Variants in SLC9A9 observed in about 807,000 individuals in gnomAD.
SLC9A9 encodes solute carrier family 9 member A9, also known as sodium/hydrogen exchanger 9.
In SLC9A9, 62 loss-of-function variants were observed where a neutral mutation model predicts 77.8. The observed-to-expected ratio is 0.80, with a 90% CI of 0.65 to 0.98. The LOEUF (loss-of-function observed/expected upper bound fraction) is 0.98, where lower values mean the gene tolerates loss of function less well. Among genes scored for constraint, SLC9A9 ranks in the 50% least tolerant of loss-of-function variants. The probability of loss-of-function intolerance (pLI) is 0.00; values close to 1 mark genes in which losing one functional copy is unlikely to be tolerated. For synonymous variants in SLC9A9, 320 were observed against 283.5 expected (o/e 1.13, Z -1.29); for missense variants, 775 against 774.9 (o/e 1.00, Z 0.00).
At chr3:143,518,714 T>C (rs2036245103) in intron 9 of SLC9A9, among the ~76,000 whole-genome samples, 1 of 152,256 alleles carries the variant, frequency 6.6e-6, no homozygotes, top group African/African-American at 2.4e-5. Flanking sequence ...GCTATAGTTA[T>C]GATTAACTCA....
intron 6 of SLC9A9, among the ~76,000 whole-genome samples, chr3:143,642,272 T>C (rs2038637709): frequency 6.6e-6 from 1 of 152,230 alleles, no homozygotes; most frequent in African/African-American, 2.4e-5. Context: ...GTAATCCTTA[T>C]TGGAAATAAA....
chr3:143,610,981 G>GA lies in SLC9A9; in HGVS notation c.756-32259dup, dbSNP rs199619731. Among the ~76,000 whole-genome samples the GA allele has an allele frequency of 3.9e-3, 577 of 149,650 alleles. 1 individual carries two copies. The highest frequency in any genetic ancestry group is 0.013 in the African/African-American group (541 of 40,846). ...GAGGAAAAACAGAATCAAAAGGACCGAAAAAAAAATTGCAGAAAGCAAACA... is the reference window on the plus strand; with the variant it reads ...GAGGAAAAACAGAATCAAAAGGACCGAAAAAAAAAATTGCAGAAAGCAAACA... On this transcript the variant is annotated intron_variant, in intron 6 of 15. Coordinates refer to ENST00000316549, the MANE Select transcript of SLC9A9 (RefSeq NM_173653.4).
At chr3:143,662,333 C>T (rs530654877) in intron 5 of SLC9A9, among the ~76,000 whole-genome samples, 2 of 152,302 alleles carry the variant, frequency 1.3e-5, no homozygotes, top group Non-Finnish European at 2.9e-5. Context: ...ATTTTGAGAT[C>T]GTTTCAAGAT....
intron 6 of SLC9A9, among the ~76,000 whole-genome samples, chr3:143,592,035 A>G (rs2037652907): frequency 6.6e-6 from 1 of 152,214 alleles, no homozygotes; most frequent in African/African-American, 2.4e-5. Context: ...ATTTTCTGGA[A>G]GAAGATTCCT....
rs879905012 is a variant in SLC9A9 at position 143,423,234 on chromosome 3, TACACACGCGCGTGTAC to T, written c.1470-41136_1470-41121del. On this transcript the variant is annotated intron_variant, in intron 12 of 15. Transcript: ENST00000316549. Reference sequence around the variant, plus strand: ...ACACACGTACACACACACACACGTGTACACACGCGCGTGTACACACACACACACACACACACACACA... The same window carrying T: ...ACACACGTACACACACACACACGTGTACACACACACACACACACACACACA... Among the ~76,000 whole-genome samples the T allele has an allele frequency of 5.5e-4, 74 of 134,744 alleles. 1 individual carries two copies. The East Asian group carries it at 0.013, about 24-fold the overall frequency. The allele number at this position is 134,744 out of a possible 152,430, so 88.4% of individuals were successfully genotyped here.
chr3:143,705,046 G>GATATAGATATAGATATATAGATATAT (rs1933932427), intron 4 of SLC9A9, among the ~76,000 whole-genome samples: 1 of 38,736 alleles, frequency 2.6e-5, no homozygotes, highest in African/African-American at 1.2e-4. Flanking sequence ...TATCTATATA[G>GATATAGATATAGATATATAGATATAT]ATATAGATAT....
intron 11 of SLC9A9, among the ~76,000 whole-genome samples, chr3:143,471,041 A>C (rs1340224158): frequency 3.3e-5 from 5 of 152,228 alleles, no homozygotes; most frequent in Non-Finnish European, 5.9e-5. Context: ...AATCGGGGCC[A>C]AACCCCAAGA....
chr3:143,382,258 A>G, intron 12 of SLC9A9, 144 bp from the exon 13 acceptor site: 2 of 848,412 alleles, frequency 2.4e-6, no homozygotes, highest in African/African-American at 1.7e-5. Flanking sequence ...TTGAATCAAA[A>G]GAACCTCAGA....
intron 7 of SLC9A9, among the ~76,000 whole-genome samples, 185 bp from the exon 8 acceptor site, chr3:143,574,378 C>G (rs1306892346): frequency 6.6e-6 from 1 of 152,188 alleles, no homozygotes; most frequent in Non-Finnish European, 1.5e-5. Context: ...GAGTTCCATG[C>G]TTCACCGGGG....
chr3:143,373,425 A>G (rs1284024794), intron 13 of SLC9A9, among the ~76,000 whole-genome samples: 1 of 152,140 alleles, frequency 6.6e-6, no homozygotes, highest in Non-Finnish European at 1.5e-5. Flanking sequence ...ATACAGAGTG[A>G]CATAATGAAA....
chr3:143,519,728 C>A (rs1038105706), intron 9 of SLC9A9, among the ~76,000 whole-genome samples: 2 of 151,666 alleles, frequency 1.3e-5, no homozygotes, highest in Admixed American at 1.3e-4. Context: ...GGCAATGGGG[C>A]GAGTGAGAAG....
At chr3:143,473,293 T>A (rs920088503) in intron 11 of SLC9A9, among the ~76,000 whole-genome samples, 5 of 152,128 alleles carry the variant, frequency 3.3e-5, no homozygotes, top group African/African-American at 1.2e-4. Context: ...AAACCTAGCT[T>A]TATGAGGTCA....
intron 4 of SLC9A9, among the ~76,000 whole-genome samples, chr3:143,768,533 A>G (rs1308311177): frequency 6.6e-6 from 1 of 152,216 alleles, no homozygotes. Flanking sequence ...TATATCTCAT[A>G]TAACATAGGA....
intron 12 of SLC9A9, among the ~76,000 whole-genome samples, chr3:143,461,672 C>T (rs1332486515): frequency 2.0e-5 from 3 of 152,162 alleles, no homozygotes; most frequent in Non-Finnish European, 4.4e-5. Flanking sequence ...AGGACCTGCT[C>T]AGTCTAACTC....
chr3:143,294,612 G>T (rs986617931), intron 14 of SLC9A9, among the ~76,000 whole-genome samples: 7 of 152,150 alleles, frequency 4.6e-5, no homozygotes, highest in African/African-American at 1.7e-4. Context: ...AGGGGTAGAG[G>T]GTAGGCAGTG....
chr3:143,318,881 G>T (rs1431985336), intron 14 of SLC9A9, among the ~76,000 whole-genome samples: 1 of 152,186 alleles, frequency 6.6e-6, no homozygotes, highest in Non-Finnish European at 1.5e-5. Flanking sequence ...AGATGAGCTT[G>T]AGCTTGGCCA....
chr3:143,822,606 C>T (rs1021944584), intron 2 of SLC9A9, among the ~76,000 whole-genome samples: 1 of 152,208 alleles, frequency 6.6e-6, no homozygotes, highest in Admixed American at 6.5e-5. Context: ...TAAACAGGAG[C>T]TTCCTAATGA....
intron 9 of SLC9A9, among the ~76,000 whole-genome samples, chr3:143,502,127 TA>T (rs2035933412): frequency 6.6e-6 from 1 of 151,172 alleles, no homozygotes. Flanking sequence ...TCAGGGTCAG[TA>T]AAAAATAACT....
At chr3:143,540,768 T>C (rs2108629503) in intron 9 of SLC9A9, among the ~76,000 whole-genome samples, 1 of 152,292 alleles carries the variant, frequency 6.6e-6, no homozygotes, top group Non-Finnish European at 1.5e-5. Context: ...TAAAATCTGA[T>C]TAATAATAGT....
Sources: allele counts gnomAD v4.1 joint callset (sites outside exome capture counted in the v4.1 genomes callset), GRCh38; gene constraint gnomAD v4.1.1; transcripts MANE v1.5; gene names NCBI Gene and HGNC (gene_info 2026-07-23, HGNC 2026-07-21).